SLC6A3: variants seen among roughly 807,000 people sequenced by gnomAD.
The protein encoded by SLC6A3 is solute carrier family 6 member 3, also known as sodium-dependent dopamine transporter.
A neutral mutation model predicts 70.4 loss-of-function variants in SLC6A3; 19 were observed. The observed-to-expected ratio is 0.27, with a 90% confidence interval of 0.19 to 0.40. SLC6A3 has a LOEUF of 0.40. SLC6A3 is among the 10% of genes least tolerant of loss of function. SLC6A3 has a pLI of 1.00. For synonymous variants in SLC6A3, 368 were observed against 356.6 expected (o/e 1.03, Z -0.36); for missense variants, 613 against 838.5 (o/e 0.73, Z 3.32).
At chr5:1,418,401 A>G (rs907508605) in intron 6 of SLC6A3, among the ~76,000 whole-genome samples, 9 of 152,144 alleles carry the variant, frequency 5.9e-5, no homozygotes, top group South Asian at 4.2e-4. Flanking sequence ...CTATCAATCA[A>G]TCATCTATCT....
rs1385791366 is a variant in SLC6A3 at position 1,410,471 on chromosome 5, G to C, written c.1270-622C>G. 2.6e-5 allele frequency among the ~76,000 whole-genome samples: 4 copies of C among 152,174 alleles called. No homozygotes were observed. In the East Asian group the frequency reaches 7.7e-4, roughly 29 times the overall value. ...GCATGACCAGCGTTTATAAGGCAAG[G>C]GATTCTGGGTTCTTTGGTCCCAAGC... On this transcript the variant is annotated intron_variant, in intron 9 of 14. Coordinates refer to ENST00000270349, the MANE Select transcript of SLC6A3 (RefSeq NM_001044.5).
chr5:1,429,905 G>A (rs964502406), intron 4 of SLC6A3, among the ~76,000 whole-genome samples: 2 of 152,194 alleles, frequency 1.3e-5, no homozygotes, highest in Admixed American at 6.5e-5. Flanking sequence ...CCATCCACAC[G>A]CAATGGGAGT....
At chr5:1,398,873 C>G (rs1755779804) in intron 14 of SLC6A3, among the ~76,000 whole-genome samples, 1 of 152,190 alleles carries the variant, frequency 6.6e-6, no homozygotes, top group African/African-American at 2.4e-5. Context: ...AGGGGAACAG[C>G]AAACAAATAT....
chr5:1,414,562 G>T, intron 8 of SLC6A3, 129 bp downstream of exon 8: 1 of 1,064,642 alleles, frequency 9.4e-7, no homozygotes. Context: ...CAAGAGTGAG[G>T]CAGCAACTCT....
At position 1,401,235 on chromosome 5, in the gene SLC6A3, C is replaced by T. The variant is rs900005683; in HGVS notation, c.1768-249G>A. On this transcript the variant is annotated intron_variant, in intron 13 of 14. Coordinates refer to ENST00000270349, the MANE Select transcript of SLC6A3 (RefSeq NM_001044.5). This position sits in a 1 kb window ranked among gnomAD's most constrained non-coding sequence, Gnocchi z 6.1. Reference sequence around the variant, plus strand: ...TCCTGACGGTCCCCTTAAAGTCTAGCGCAGAGCAGAACATCAGCATTTGAG... The same window carrying T: ...TCCTGACGGTCCCCTTAAAGTCTAGTGCAGAGCAGAACATCAGCATTTGAG... The T allele has an allele frequency of 5.2e-5, 36 of 686,948 alleles. No individual in the cohort carries two copies. Among genetic ancestry groups the T allele is most frequent in the Non-Finnish European group, 7.7e-5 (29 of 375,096 alleles). The allele number at this position is 686,948 out of a possible 1,614,324, so 42.6% of individuals were successfully genotyped here.
At position 1,406,278 on chromosome 5, in the gene SLC6A3, C is replaced by T; in HGVS notation, c.1509G>A (p.Gln503=). The part of the protein sequence containing the change: ...IGVAWFYGVG[Q]FSDDIQQMTG... ...TCATCTGCTGGATGTCGTCGCTGAA[C>T]TGCCCAACACCTGAGGGAGAAGAGG... The change falls in exon 12 of 15, where the codon CAG becomes CAA. Residue 503 remains glutamine (Q), a synonymous_variant. Transcript: ENST00000270349. This position sits in a 1 kb window ranked among gnomAD's most constrained non-coding sequence, Gnocchi z 8.8. 1 of 1,612,788 alleles carries T rather than the reference C, an allele frequency of 6.2e-7. No homozygotes were observed. Among genetic ancestry groups the T allele is most frequent in the Non-Finnish European group, 8.5e-7 (1 of 1,179,818 alleles).
In SLC6A3 at chr5:1,397,748, T is replaced by G. The variant is rs906159519; in HGVS notation, c.1840-2990A>C. On this transcript the variant is annotated intron_variant, in intron 14 of 14. Transcript: ENST00000270349. This position sits in a 1 kb window ranked among gnomAD's most constrained non-coding sequence, Gnocchi z 4.7. ...CAAGAGACCTCCTCAAAGGAATGTC[T>G]GAAGGATGCTTTTTGAAAAGCAAGA... Among the ~76,000 whole-genome samples, 2 of 152,190 alleles carry G rather than the reference T, an allele frequency of 1.3e-5. No individual in the cohort carries two copies. The highest frequency in any genetic ancestry group is 4.8e-5 in the African/African-American group (2 of 41,444).
rs528975453 is a variant in SLC6A3 at position 1,417,857 on chromosome 5, G to A, written c.928-1656C>T. Reference sequence around the variant, plus strand: ...GATGCTCCTGCTGGGGAGGCCAGGTGGGTCTCAGGGCATCCCAGGTCCCAG... The same window carrying A: ...GATGCTCCTGCTGGGGAGGCCAGGTAGGTCTCAGGGCATCCCAGGTCCCAG... On this transcript the variant is annotated intron_variant, in intron 6 of 14. Coordinates refer to ENST00000270349, the MANE Select transcript of SLC6A3 (RefSeq NM_001044.5). 2.0e-5 allele frequency among the ~76,000 whole-genome samples: 3 copies of A among 152,360 alleles called. No homozygotes were observed. In the East Asian group the frequency reaches 5.8e-4, roughly 29 times the overall value.
At chr5:1,430,367 C>A (rs138127332) in intron 4 of SLC6A3, among the ~76,000 whole-genome samples, 1 of 152,250 alleles carries the variant, frequency 6.6e-6, no homozygotes. Flanking sequence ...GGTGGCCCCC[C>A]AAAACCTGCC....
chr5:1,440,858 A>C (rs891821860), intron 3 of SLC6A3, among the ~76,000 whole-genome samples: 3 of 152,204 alleles, frequency 2.0e-5, no homozygotes, highest in Non-Finnish European at 4.4e-5. Context: ...TGAGACAATA[A>C]ACGTGTGCCT....
rs941821050 is a variant in SLC6A3, at chr5:1,404,079, C to G, written c.1600-990G>C. 1.3e-5 allele frequency among the ~76,000 whole-genome samples: 2 copies of G among 152,272 alleles called. No individual in the cohort carries two copies. The highest frequency in any genetic ancestry group is 1.9e-4 in the East Asian group (1 of 5,204). On this transcript the variant is annotated intron_variant, in intron 12 of 14. Transcript: ENST00000270349. The surrounding 1 kb of genome is among the most constrained non-coding windows in gnomAD (Gnocchi z 5.2). ...AATGCAATTTTTTCCCAATTGTCCACTTTTCCTCAATTTCAGAAAAGTTAA... is the reference window on the plus strand; with the variant it reads ...AATGCAATTTTTTCCCAATTGTCCAGTTTTCCTCAATTTCAGAAAAGTTAA...
In SLC6A3 at chr5:1,411,717, TGTCCTTCGA is replaced by T. The variant is rs958181218; in HGVS notation, c.1157-371_1157-363del. ...CCTTCATCCCAGGGACATCTGCTAA[TGTCCTTCGA>T]GTTAGTTTTTCCTGCACATACCATG... On this transcript the variant is annotated intron_variant, in intron 8 of 14. Transcript: ENST00000270349. The surrounding 1 kb of genome is among the most constrained non-coding windows in gnomAD (Gnocchi z 6.5). Among the ~76,000 whole-genome samples, 6 of 152,222 alleles carry T rather than the reference TGTCCTTCGA, an allele frequency of 3.9e-5. No homozygotes were observed. The highest frequency in any genetic ancestry group is 8.8e-5 in the Non-Finnish European group (6 of 68,048).
At position 1,445,413 on chromosome 5, in the gene SLC6A3, CT is replaced by C; in HGVS notation, c.-112del. 6.0e-6 allele frequency: 1 copy of C among 165,680 alleles called. No individual in the cohort carries two copies. The highest frequency in any genetic ancestry group is 1.3e-5 in the Non-Finnish European group (1 of 76,508). The allele number at this position is 165,680 out of a possible 1,614,324, so 10.3% of individuals were successfully genotyped here. A position where few individuals can be genotyped will look rare whatever the true frequency, so the allele number is the denominator to read the frequency against. On this transcript the variant is annotated 5_prime_UTR_variant, in exon 1 of 15. Coordinates refer to ENST00000270349, the MANE Select transcript of SLC6A3 (RefSeq NM_001044.5). ...CCGAGAGCGTTCCGCGAAGCCTCCC[CT>C]CCCGCTCCGCAGCGCTGGGCGGTCT...
Position 1,401,089 on chromosome 5 carries a change from C to T in SLC6A3, c.1768-103G>A. 3 of 864,458 alleles carry T rather than the reference C, an allele frequency of 3.5e-6. No individual in the cohort carries two copies. Among genetic ancestry groups the T allele is most frequent in the Non-Finnish European group, 5.7e-6 (3 of 523,370 alleles). The allele number at this position is 864,458 out of a possible 1,614,324, so 53.5% of individuals were successfully genotyped here. On this transcript the variant is annotated intron_variant, in intron 13 of 14. Coordinates refer to ENST00000270349, the MANE Select transcript of SLC6A3 (RefSeq NM_001044.5). The surrounding 1 kb of genome is among the most constrained non-coding windows in gnomAD (Gnocchi z 6.1). ...GGACCCTCACCTACCAGCACCCTCA[C>T]CACCAGCCCTCCTCACCTGCCAATG...
intron 14 of SLC6A3, among the ~76,000 whole-genome samples, chr5:1,395,395 A>AT (rs1424208935): frequency 6.6e-6 from 1 of 152,236 alleles, no homozygotes; most frequent in Non-Finnish European, 1.5e-5. Flanking sequence ...ACTAAATGGC[A>AT]AGAAGTGTGC....
chr5:1,402,962 G>C lies in SLC6A3; in HGVS notation c.1727C>G (p.Ala576Gly). The C allele has an allele frequency of 6.2e-7, 1 of 1,613,962 alleles. No individual in the cohort carries two copies. The highest frequency in any genetic ancestry group is 8.5e-7 in the Non-Finnish European group (1 of 1,179,994). Residue 576 changes from alanine (A) to glycine (G), a missense_variant, in exon 13 of 15, where the codon GCG (alanine) becomes GGG (glycine). Coordinates refer to ENST00000270349, the MANE Select transcript of SLC6A3 (RefSeq NM_001044.5). This position sits in a 1 kb window ranked among gnomAD's most constrained non-coding sequence, Gnocchi z 8.5. ...AGGCAGGCTGCAGAACTTGTAGGCC[G>C]CATAGATGGGCACCATGGCCATGGA... ...TSSMAMVPIY[A>G]AYKFCSLPGS...
In SLC6A3 at chr5:1,411,181, G is replaced by GC; in HGVS notation, c.1269+61dup. On this transcript the variant is annotated intron_variant, in intron 9 of 14. Coordinates refer to ENST00000270349, the MANE Select transcript of SLC6A3 (RefSeq NM_001044.5). The surrounding 1 kb of genome is among the most constrained non-coding windows in gnomAD (Gnocchi z 6.5). ...TCTTGCCTAGCCCTGGGAGGGCAGG[G>GC]CCCCCTCGGGTGGAAGGAACCCAAC... The GC allele has an allele frequency of 2.6e-6, 3 of 1,173,366 alleles. No homozygotes were observed. Among genetic ancestry groups the GC allele is most frequent in the South Asian group, 2.6e-5 (2 of 76,558 alleles). The allele number at this position is 1,173,366 out of a possible 1,614,324, so 72.7% of individuals were successfully genotyped here. A position where few individuals can be genotyped will look rare whatever the true frequency, so the allele number is the denominator to read the frequency against.
In SLC6A3 at chr5:1,393,097, C is replaced by A. The variant is rs1203579297; in HGVS notation, c.*1638G>T. 1 of 152,292 alleles carries A rather than the reference C, an allele frequency of 6.6e-6. No homozygotes were observed. Among genetic ancestry groups the A allele is most frequent in the African/African-American group, 2.4e-5 (1 of 41,452 alleles). The allele number at this position is 152,292 out of a possible 1,614,324, so 9.4% of individuals were successfully genotyped here. A position where few individuals can be genotyped will look rare whatever the true frequency, so the allele number is the denominator to read the frequency against. Reference sequence around the variant, plus strand: ...GGCAATGGGGAAGCCATCCTCTGTGCTAACTGCAGCTGCCTGGCAGTTCAC... The same window carrying A: ...GGCAATGGGGAAGCCATCCTCTGTGATAACTGCAGCTGCCTGGCAGTTCAC... On this transcript the variant is annotated 3_prime_UTR_variant, in exon 15 of 15. Transcript: ENST00000270349.
chr5:1,409,566 G>C (rs1312627381), intron 10 of SLC6A3, among the ~76,000 whole-genome samples, 155 bp downstream of exon 10: 1 of 152,230 alleles, frequency 6.6e-6, no homozygotes, highest in Non-Finnish European at 1.5e-5. Context: ...CAGTTACCCT[G>C]TGCACTGCTA....
Sources: allele counts gnomAD v4.1 joint callset (sites outside exome capture counted in the v4.1 genomes callset), GRCh38; gene constraint gnomAD v4.1.1; non-coding constraint Gnocchi (gnomAD v3.1); transcripts MANE v1.5; gene names NCBI Gene and HGNC (gene_info 2026-07-23, HGNC 2026-07-21).